BRCA1: variants seen among roughly 807,000 people sequenced by gnomAD.
BRCA1 encodes the protein breast cancer type 1 susceptibility protein.
BRCA1 carries 140 observed loss-of-function variants against 173.7 expected under a neutral mutation model. That is an observed-to-expected ratio of 0.81 (90% CI 0.70 to 0.93). The LOEUF (loss-of-function observed/expected upper bound fraction) is 0.93. BRCA1 is among the 40% of genes least tolerant of loss of function. BRCA1 has a pLI of 0.00. For synonymous variants in BRCA1, 662 were observed against 756.0 expected (o/e 0.88, Z 2.04); for missense variants, 1,983 against 2,172.5 (o/e 0.91, Z 1.73).
chr17:43,091,924 G>A lies in BRCA1; in HGVS notation c.3607C>T (p.Arg1203Ter), dbSNP rs62625308. ...GACTCTAATTTCTTGGCCCCTCTTC[G>A]GTAACCCTGAGCCAAATGTGTATGG... ...FTHTHLAQGY[R>*]RGAKKLESSE... Residue 1203 changes from arginine to a stop codon, truncating the protein, a stop_gained, in exon 10 of 23, where the codon CGA becomes TGA. Coordinates refer to ENST00000357654, the MANE Select transcript of BRCA1 (RefSeq NM_007294.4). LOFTEE classifies it high-confidence loss of function. The A allele has an allele frequency of 9.9e-6, 16 of 1,613,832 alleles. No homozygotes were observed. The highest frequency in any genetic ancestry group is 3.3e-5 in the South Asian group (3 of 91,076).
chr17:43,117,653 C>T (rs1308261209), intron 2 of BRCA1, among the ~76,000 whole-genome samples: 4 of 152,124 alleles, frequency 2.6e-5, no homozygotes, highest in Admixed American at 2.6e-4. Context: ...GCAGGAGAAT[C>T]GCTTGAACCG....
At position 43,065,084 on chromosome 17, in the gene BRCA1, C is replaced by A. The variant is rs8176249; in HGVS notation, c.5075-1133G>T. Among the ~76,000 whole-genome samples the A allele has an allele frequency of 2.0e-4, 30 of 152,018 alleles. 1 individual carries two copies. The highest frequency in any genetic ancestry group is 7.3e-4 in the African/African-American group (30 of 41,342). ...TGACCTCGTGATCTGCCCGCCTTGG[C>A]CCCCCAAAGCGCTGGGATTACAGGC... is the stretch of plus-strand genomic sequence containing the variant. On this transcript the variant is annotated intron_variant, in intron 16 of 22. Transcript: ENST00000357654.
intron 1 of BRCA1, among the ~76,000 whole-genome samples, chr17:43,140,642 C>T (rs1266423547): frequency 2.6e-5 from 4 of 152,170 alleles, no homozygotes; most frequent in South Asian, 2.1e-4. Context: ...CCTTTCCAGC[C>T]GACCAAGAGC....
chr17:43,124,141 T>A lies in BRCA1; in HGVS notation c.-19-26A>T, dbSNP rs768200575. On this transcript the variant is annotated intron_variant, in intron 1 of 22. Coordinates refer to ENST00000357654, the MANE Select transcript of BRCA1 (RefSeq NM_007294.4). ...CTTTAACACATTAGAAAAACATATA[T>A]ATATATCTTTTTAAAAGGTTTATAA... 8.0e-6 allele frequency: 10 copies of A among 1,257,190 alleles called. No individual in the cohort carries two copies. The South Asian group carries it at 1.2e-4, about 15-fold the overall frequency. 77.9% of individuals were successfully genotyped at this position (1,257,190 alleles called of 1,614,324 possible). A position where few individuals can be genotyped will look rare whatever the true frequency, so the allele number is the denominator to read the frequency against.
intron 1 of BRCA1, among the ~76,000 whole-genome samples, chr17:43,155,952 C>T (rs2056194303): frequency 6.6e-6 from 1 of 152,098 alleles, no homozygotes; most frequent in African/African-American, 2.4e-5. Context: ...AAAAGGATCA[C>T]AAGGGCCAGG....
At chr17:43,084,784 T>C (rs951905265) in intron 11 of BRCA1, among the ~76,000 whole-genome samples, 2 of 152,144 alleles carry the variant, frequency 1.3e-5, no homozygotes, top group African/African-American at 4.8e-5. Flanking sequence ...AGTAGTTACA[T>C]CACTGATCAA....
Position 43,131,524 on chromosome 17 carries a change from A to G in BRCA1, c.-19-7409T>C, listed in dbSNP as rs1250686555. Among the ~76,000 whole-genome samples the G allele has an allele frequency of 2.0e-5, 3 of 152,168 alleles. No homozygotes were observed. The East Asian group carries it at 5.8e-4, about 29-fold the overall frequency. On this transcript the variant is annotated intron_variant, in intron 1 of 7. Coordinates refer to the BRCA1 transcript ENST00000634433. ...CTGTGGTTCATTATGTTTCATCCCC[A>G]TTTCGCTTCATTTTATTGAACCCCG... is the stretch of plus-strand genomic sequence containing the variant.
intron 12 of BRCA1, among the ~76,000 whole-genome samples, chr17:43,080,493 G>GGCA (rs2052955846): frequency 6.7e-6 from 1 of 150,180 alleles, no homozygotes; most frequent in South Asian, 2.3e-4. Context: ...CACCGTACCC[G>GGCA]GCAACAATAT....
At chr17:43,109,147 T>C (rs1597903908) in intron 3 of BRCA1, among the ~76,000 whole-genome samples, 1 of 151,980 alleles carries the variant, frequency 6.6e-6, no homozygotes, top group African/African-American at 2.4e-5. Flanking sequence ...GTGTGAGCCA[T>C]TGCGCTGGGC....
At chr17:43,060,531 G>A (rs1243905411) in intron 18 of BRCA1, among the ~76,000 whole-genome samples, 1 of 151,764 alleles carries the variant, frequency 6.6e-6, no homozygotes, top group African/African-American at 2.4e-5. Flanking sequence ...TTGCTCTGTC[G>A]TTCAGGCTGG....
intron 14 of BRCA1, among the ~76,000 whole-genome samples, chr17:43,071,494 A>C (rs532522687): frequency 2.0e-3 from 228 of 113,834 alleles, no homozygotes; most frequent in Non-Finnish European, 3.3e-3. Context: ...AGGGAGATAA[A>C]AGATATATGC....
chr17:43,166,388 C>G (rs2056268691), intron 1 of BRCA1: 1 of 152,190 alleles, frequency 6.6e-6, no homozygotes, highest in South Asian at 2.1e-4. Context: ...GGTCTGGGTT[C>G]CTTGGCTTAT....
chr17:43,082,793 A>C, intron 11 of BRCA1: 3 of 585,180 alleles, frequency 5.1e-6, no homozygotes, highest in Non-Finnish European at 9.1e-6. Context: ...AAAATCCTCA[A>C]ATTCCCCCAA....
intron 11 of BRCA1, among the ~76,000 whole-genome samples, chr17:43,090,322 C>G (rs971513499): frequency 1.3e-5 from 2 of 152,104 alleles, no homozygotes; most frequent in African/African-American, 2.4e-5. Flanking sequence ...TTTCTCACCT[C>G]TCTTGATACA....
At chr17:43,169,872 G>T in intron 1 of BRCA1, 2 of 361,550 alleles carry the variant, frequency 5.5e-6, no homozygotes, top group Non-Finnish European at 1.1e-5. Context: ...GCGCAGTCAC[G>T]TTTTTTTCCC....
Position 43,091,721 on chromosome 17 carries a change from G to C in BRCA1, c.3810C>G (p.Cys1270Trp), listed in dbSNP as rs886040166. The C allele has an allele frequency of 6.2e-7, 1 of 1,614,198 alleles. No individual in the cohort carries two copies. The highest frequency in any genetic ancestry group is 8.5e-7 in the Non-Finnish European group (1 of 1,180,036). ...CCTTTGCCAATATTACCTGGTTACT[G>C]CAGTCATTTAAGCTATTCTTCAATG... ...LLSLKNSLND[C>W]SNQVILAKAS... Residue 1270 changes from cysteine to tryptophan, a missense_variant, in exon 10 of 23, where the codon TGC becomes TGG. Cys to Trp is a radical substitution (Grantham distance 215). Transcript: ENST00000357654.
At chr17:43,079,924 A>C (rs922930559) in intron 12 of BRCA1, 2 of 620,980 alleles carry the variant, frequency 3.2e-6, no homozygotes, top group Non-Finnish European at 5.6e-6. Context: ...ACTTGTTAGA[A>C]GTTAACAACT....
intron 6 of BRCA1, among the ~76,000 whole-genome samples, chr17:43,100,674 ATAT>A (rs1567807672): frequency 6.1e-4 from 11 of 18,164 alleles, no homozygotes; most frequent in Non-Finnish European, 8.3e-4. Context: ...ATATATATAT[ATAT>A]AATATATATA....
intron 11 of BRCA1, among the ~76,000 whole-genome samples, chr17:43,082,944 C>T (rs1400532469): frequency 2.0e-5 from 3 of 152,050 alleles, no homozygotes; most frequent in Non-Finnish European, 4.4e-5. Flanking sequence ...TTTATATGGG[C>T]ACATTTCAAA....
Sources: allele counts gnomAD v4.1 joint callset (sites outside exome capture counted in the v4.1 genomes callset), GRCh38; gene constraint gnomAD v4.1.1; transcripts MANE v1.5; gene names NCBI Gene and HGNC (gene_info 2026-07-23, HGNC 2026-07-21).